Variants in ROBO1 observed in about 807,000 individuals in gnomAD.
ROBO1 encodes roundabout guidance receptor 1, also known as roundabout homolog 1.
A neutral mutation model predicts 195.9 loss-of-function variants in ROBO1; 149 were observed. That is an observed-to-expected ratio of 0.76 (90% confidence interval 0.67 to 0.87). The LOEUF is 0.87. Ranked by LOEUF, ROBO1 falls within the 40% of genes least tolerant of loss-of-function variation. The probability of loss-of-function intolerance (pLI) is 0.00; values close to 1 mark genes in which losing one functional copy is unlikely to be tolerated. For missense variants in ROBO1, 1,933 were observed against 2,068.3 expected, an observed-to-expected ratio of 0.93 and a Z score of 1.27; for synonymous variants, 816 against 733.2, an observed-to-expected ratio of 1.11 and a Z score of -1.82.
At chr3:78,781,372 T>C (rs2083672897) in intron 4 of ROBO1, among the ~76,000 whole-genome samples, 1 of 152,182 alleles carries the variant, frequency 6.6e-6, no homozygotes, top group African/African-American at 2.4e-5. Flanking sequence ...TCTATCTAGG[T>C]AGCCTCAAAG....
At chr3:79,279,273 A>T (rs2031309053) in intron 2 of ROBO1, among the ~76,000 whole-genome samples, 1 of 152,180 alleles carries the variant, frequency 6.6e-6, no homozygotes, top group Admixed American at 6.5e-5. Flanking sequence ...TCTAAAAAAA[A>T]TAAACAAACA....
At chr3:78,874,900 C>T (rs1466292523) in intron 4 of ROBO1, among the ~76,000 whole-genome samples, 1 of 151,792 alleles carries the variant, frequency 6.6e-6, no homozygotes, top group Non-Finnish European at 1.5e-5. Context: ...TTATTAGATT[C>T]AAATAAATAA....
At chr3:79,446,414 T>C (rs180785696) in intron 2 of ROBO1, among the ~76,000 whole-genome samples, 207 of 152,336 alleles carry the variant, frequency 1.4e-3, no homozygotes, top group Admixed American at 2.3e-3. Flanking sequence ...AGTACATTAT[T>C]TGAGGGCACT....
intron 4 of ROBO1, among the ~76,000 whole-genome samples, chr3:78,891,055 T>C (rs2036859904): frequency 6.6e-6 from 1 of 152,184 alleles, no homozygotes; most frequent in South Asian, 2.1e-4. Context: ...AATAAAGTTT[T>C]ATTACACAAG....
At chr3:78,647,184 A>G (rs1367137566) in intron 20 of ROBO1, among the ~76,000 whole-genome samples, 1 of 152,070 alleles carries the variant, frequency 6.6e-6, no homozygotes, top group Non-Finnish European at 1.5e-5. Flanking sequence ...GAAAAGTTCT[A>G]TCTTTCACAT....
At chr3:79,653,137 G>A (rs141164400) in intron 1 of ROBO1, among the ~76,000 whole-genome samples, 2,041 of 151,586 alleles carry the variant, frequency 0.013, 74 homozygotes, top group Admixed American at 0.062. Context: ...TAACTTACTG[G>A]AGGATTATTA....
At chr3:78,984,677 G>A (rs1487890330) in intron 3 of ROBO1, among the ~76,000 whole-genome samples, 1 of 152,152 alleles carries the variant, frequency 6.6e-6, no homozygotes. Flanking sequence ...AGTTAAGGAT[G>A]TGGAAAAATG....
intron 2 of ROBO1, among the ~76,000 whole-genome samples, chr3:79,218,876 TA>T (rs2082095043): frequency 6.6e-6 from 1 of 151,904 alleles, no homozygotes; most frequent in African/African-American, 2.4e-5. Context: ...ACAAGGTAGG[TA>T]AAAGAATATT....
Position 78,659,675 on chromosome 3 carries a change from T to C in ROBO1, c.2442+11A>G, listed in dbSNP as rs372382734. The C allele has an allele frequency of 6.9e-7, 1 of 1,443,658 alleles. No homozygotes were observed. Among genetic ancestry groups the C allele is most frequent in the Non-Finnish European group, 9.4e-7 (1 of 1,065,362 alleles). 89.4% of individuals were successfully genotyped at this position (1,443,658 alleles called of 1,614,324 possible). A position where few individuals can be genotyped will look rare whatever the true frequency, so the allele number is the denominator to read the frequency against. On this transcript the variant is annotated intron_variant, in intron 17 of 30. Coordinates refer to ENST00000464233, the MANE Select transcript of ROBO1 (RefSeq NM_002941.4). ...TCAGGACATTAATATATATATATAT[T>C]ATACTCATACCTTATACTCTTGGAC...
chr3:79,634,522 TGAA>T (rs1353369459), intron 1 of ROBO1, among the ~76,000 whole-genome samples: 1 of 152,218 alleles, frequency 6.6e-6, no homozygotes, highest in Non-Finnish European at 1.5e-5. Context: ...TCTTATAATC[TGAA>T]GAAGAAAGGA....
intron 3 of ROBO1, chr3:79,018,710 A>G (rs2078020914): frequency 1.5e-6 from 2 of 1,325,540 alleles, no homozygotes; most frequent in Non-Finnish European, 9.7e-7. Flanking sequence ...GGAGGCTCAG[A>G]CACTTTCAAG....
intron 2 of ROBO1, among the ~76,000 whole-genome samples, chr3:79,466,678 C>A (rs961026076): frequency 1.3e-5 from 2 of 152,010 alleles, no homozygotes; most frequent in African/African-American, 4.8e-5. Flanking sequence ...AGCCATTTAA[C>A]AGAAACTGGT....
At chr3:79,247,830 CAGA>C (rs2082652103) in intron 2 of ROBO1, among the ~76,000 whole-genome samples, 1 of 151,984 alleles carries the variant, frequency 6.6e-6, no homozygotes, top group Non-Finnish European at 1.5e-5. Context: ...AGTAATGAGG[CAGA>C]AGGACTTATT....
intron 1 of ROBO1, among the ~76,000 whole-genome samples, chr3:79,663,766 G>T (rs1213796494): frequency 6.6e-6 from 1 of 151,980 alleles, no homozygotes; most frequent in African/African-American, 2.4e-5. Flanking sequence ...TGACATTGCC[G>T]ACTGTTCAGT....
chr3:79,200,209 G>C (rs1288856469), intron 2 of ROBO1, among the ~76,000 whole-genome samples: 1 of 151,754 alleles, frequency 6.6e-6, no homozygotes, highest in Non-Finnish European at 1.5e-5. Flanking sequence ...ACGCAGTCTT[G>C]TGGTTAGCAA....
intron 2 of ROBO1, among the ~76,000 whole-genome samples, chr3:79,370,251 G>T (rs1294291420): frequency 6.6e-6 from 1 of 151,750 alleles, no homozygotes; most frequent in Admixed American, 6.6e-5. Flanking sequence ...CTAGTGACTA[G>T]GGAGGCTGAG....
At chr3:78,842,696 G>A (rs1475453243) in intron 4 of ROBO1, among the ~76,000 whole-genome samples, 1 of 149,882 alleles carries the variant, frequency 6.7e-6, no homozygotes, top group Non-Finnish European at 1.5e-5. Flanking sequence ...ATATCAGGTA[G>A]GCAAAAAAAA....
chr3:79,229,482 C>T (rs1157332573), intron 2 of ROBO1, among the ~76,000 whole-genome samples: 1 of 152,088 alleles, frequency 6.6e-6, no homozygotes, highest in African/African-American at 2.4e-5. Flanking sequence ...GATCTTGCTC[C>T]ATTGCCCAGG....
chr3:79,281,422 T>G (rs2031499058), intron 2 of ROBO1, among the ~76,000 whole-genome samples: 1 of 152,134 alleles, frequency 6.6e-6, no homozygotes, highest in African/African-American at 2.4e-5. Context: ...TATCAGGTGA[T>G]GGGAATACTT....
Sources: gnomAD v4.1 joint callset for allele counts (sites outside exome capture counted in the v4.1 genomes callset) on GRCh38, gnomAD v4.1.1 for gene constraint, MANE v1.5 for transcripts, NCBI Gene and HGNC (gene_info 2026-07-23, HGNC 2026-07-21) for gene names.